Variants in PDE4D observed in about 807,000 individuals in gnomAD.
PDE4D encodes the protein phosphodiesterase 4D.
A neutral mutation model predicts 87.4 loss-of-function variants in PDE4D; 24 were observed. The observed-to-expected ratio is 0.27, with a 90% CI of 0.20 to 0.39. The LOEUF (loss-of-function observed/expected upper bound fraction) is 0.39, where lower values mean the gene tolerates loss of function less well. Ranked by LOEUF, PDE4D falls within the 10% of genes least tolerant of loss-of-function variation. PDE4D has a pLI of 1.00. For synonymous variants in PDE4D, 384 were observed against 383.2 expected, an observed-to-expected ratio of 1.00 and a Z score of -0.02; for missense variants, 714 against 1,041.0, an observed-to-expected ratio of 0.69 and a Z score of 4.32.
intron 2 of PDE4D, among the ~76,000 whole-genome samples, chr5:59,206,778 A>ATT (rs1748883195): frequency 6.6e-6 from 1 of 152,156 alleles, no homozygotes; most frequent in African/African-American, 2.4e-5. Context: ...ATGCACATCA[A>ATT]TTAATACACA....
rs2153480557 is a variant in PDE4D, at chr5:59,185,388, C to T, written c.685-126G>A. 4.7e-6 allele frequency: 3 copies of T among 644,232 alleles called. No individual in the cohort carries two copies. In the East Asian group the frequency reaches 8.3e-5, roughly 18 times the overall value. 39.9% of individuals were successfully genotyped at this position (644,232 alleles called of 1,614,324 possible). On this transcript the variant is annotated intron_variant, in intron 3 of 14. Coordinates refer to ENST00000340635, the MANE Select transcript of PDE4D (RefSeq NM_001104631.2). ...AGTTTCATATACCACTAAAGAATCT[C>T]CCAACACTTAGTGCAGTTTGTAGGT...
chr5:59,770,022 C>G (rs1763286148), intron 1 of PDE4D, among the ~76,000 whole-genome samples: 1 of 152,206 alleles, frequency 6.6e-6, no homozygotes, highest in Non-Finnish European at 1.5e-5. Flanking sequence ...AGGACAGGGT[C>G]AACCACTTGG....
chr5:60,287,252 C>G (rs935657658), intron 1 of PDE4D, among the ~76,000 whole-genome samples: 2 of 152,300 alleles, frequency 1.3e-5, no homozygotes, highest in Non-Finnish European at 2.9e-5. Context: ...CAGCACAAAG[C>G]AGTGTATAAA....
At chr5:59,364,840 C>G (rs1201157385) in intron 1 of PDE4D, among the ~76,000 whole-genome samples, 1 of 151,968 alleles carries the variant, frequency 6.6e-6, no homozygotes, top group East Asian at 1.9e-4. Flanking sequence ...TGCCCACCCA[C>G]CTACCTTCCT....
At chr5:59,945,333 T>C (rs2152801139) in intron 3 of PDE4D, among the ~76,000 whole-genome samples, 1 of 152,342 alleles carries the variant, frequency 6.6e-6, no homozygotes, top group Admixed American at 6.5e-5. Context: ...AATTAAGTGC[T>C]TTTCATGAAA....
chr5:59,067,520 C>T (rs75570506), intron 5 of PDE4D, among the ~76,000 whole-genome samples: 4,034 of 152,188 alleles, frequency 0.027, 182 homozygotes, highest in African/African-American at 0.091. Context: ...TATATGATGG[C>T]ATTTAAATAT....
At chr5:60,412,810 T>G (rs895581223) in intron 1 of PDE4D, among the ~76,000 whole-genome samples, 2 of 152,224 alleles carry the variant, frequency 1.3e-5, no homozygotes, top group Non-Finnish European at 2.9e-5. Context: ...GCCAGCTGAT[T>G]GTTTTTTATT....
Position 59,420,536 on chromosome 5 carries a change from C to T in PDE4D, c.456-204568G>A, listed in dbSNP as rs143956112. On this transcript the variant is annotated intron_variant, in intron 1 of 14. Coordinates refer to ENST00000340635, the MANE Select transcript of PDE4D (RefSeq NM_001104631.2). ...TTCCCCAGAGGGAAGACTTTGCTGA[C>T]GAAATGAAACATCAGGGAGAAGCAA... 5.0e-3 allele frequency among the ~76,000 whole-genome samples: 756 copies of T among 152,004 alleles called. 5 individuals carry two copies. Among genetic ancestry groups the T allele is most frequent in the African/African-American group, 0.011 (467 of 41,472 alleles).
chr5:59,172,262 ATT>A lies in PDE4D; in HGVS notation c.808+8331_808+8332del, dbSNP rs1384178990. On this transcript the variant is annotated intron_variant, in intron 5 of 14. Coordinates refer to ENST00000340635, the MANE Select transcript of PDE4D (RefSeq NM_001104631.2). The stretch of plus-strand genomic sequence containing the variant: ...TGTATATAATATATAATAAATATAT[ATT>A]TATACAATTTATAAGAAATATATAT... Among the ~76,000 whole-genome samples the A allele has an allele frequency of 2.5e-3, 306 of 122,842 alleles. 3 individuals carry two copies. The highest frequency in any genetic ancestry group is 9.3e-3 in the African/African-American group (294 of 31,714). 80.6% of individuals were successfully genotyped at this position (122,842 alleles called of 152,430 possible).
At position 60,254,543 on chromosome 5, in the gene PDE4D, T is replaced by C. The variant is rs552116547; in HGVS notation, c.-89-68856A>G. 5.3e-5 allele frequency among the ~76,000 whole-genome samples: 8 copies of C among 152,006 alleles called. No individual in the cohort carries two copies. In the South Asian group the frequency reaches 1.7e-3, roughly 31 times the overall value. On this transcript the variant is annotated intron_variant, in intron 1 of 16. Coordinates refer to the PDE4D transcript ENST00000502484. ...CTAAAGCAAAGCCAACAGCAATTAATAGACAGGGTTTTTATGGTGTCCCTT... is the reference window on the plus strand; with the variant it reads ...CTAAAGCAAAGCCAACAGCAATTAACAGACAGGGTTTTTATGGTGTCCCTT...
At chr5:59,441,440 G>A (rs1173892424) in intron 1 of PDE4D, among the ~76,000 whole-genome samples, 1 of 152,148 alleles carries the variant, frequency 6.6e-6, no homozygotes, top group East Asian at 1.9e-4. Flanking sequence ...CTAAACAGGA[G>A]TTTTTATTCT....
chr5:60,362,633 G>A (rs1760165774), intron 1 of PDE4D, among the ~76,000 whole-genome samples: 1 of 152,100 alleles, frequency 6.6e-6, no homozygotes, highest in Admixed American at 6.5e-5. Flanking sequence ...TGAGGTGGGT[G>A]GATCACCTAA....
chr5:59,762,501 TAC>T (rs1337141251), intron 1 of PDE4D, among the ~76,000 whole-genome samples: 3 of 133,140 alleles, frequency 2.3e-5, no homozygotes, highest in Admixed American at 1.4e-4. Flanking sequence ...TGTATATGGG[TAC>T]ACATATGTGT....
chr5:60,222,675 C>T (rs1744635572), intron 1 of PDE4D, among the ~76,000 whole-genome samples: 1 of 152,068 alleles, frequency 6.6e-6, no homozygotes, highest in African/African-American at 2.4e-5. Context: ...TAGCCATTCT[C>T]ATAAATGTAT....
chr5:59,928,520 G>C (rs1421214784), intron 3 of PDE4D, among the ~76,000 whole-genome samples: 2 of 152,114 alleles, frequency 1.3e-5, no homozygotes, highest in Non-Finnish European at 2.9e-5. Context: ...GGAGGTCGCA[G>C]TGAGCCGAGA....
intron 3 of PDE4D, among the ~76,000 whole-genome samples, chr5:59,919,364 T>G (rs1000715434): frequency 6.6e-6 from 1 of 152,208 alleles, no homozygotes; most frequent in African/African-American, 2.4e-5. Flanking sequence ...CAGTCATTCT[T>G]AGGCACCAAT....
chr5:60,045,493 T>C (rs1769110624), intron 2 of PDE4D, among the ~76,000 whole-genome samples: 1 of 152,206 alleles, frequency 6.6e-6, no homozygotes, highest in Admixed American at 6.5e-5. Flanking sequence ...TTTATGGTTT[T>C]AGGTCTAACA....
At position 59,617,185 on chromosome 5, in the gene PDE4D, A is replaced by G. The variant is rs559455688; in HGVS notation, c.455+275983T>C. ...GCTTATGGGTAAATTAGGCAAAGAGAGGGTGCTGTGGTGGAGGAGCTCCAT... is the reference window on the plus strand; with the variant it reads ...GCTTATGGGTAAATTAGGCAAAGAGGGGGTGCTGTGGTGGAGGAGCTCCAT... On this transcript the variant is annotated intron_variant, in intron 1 of 14. Transcript: ENST00000340635. 4.6e-5 allele frequency among the ~76,000 whole-genome samples: 7 copies of G among 151,898 alleles called. No individual in the cohort carries two copies. In the East Asian group the frequency reaches 1.4e-3, roughly 30 times the overall value.
chr5:60,024,761 ACT>A (rs1766444897), intron 2 of PDE4D, among the ~76,000 whole-genome samples: 2 of 152,058 alleles, frequency 1.3e-5, no homozygotes, highest in African/African-American at 2.4e-5. Flanking sequence ...TCAGTGGAAA[ACT>A]CTGAAAAATT....
Sources: gnomAD v4.1 joint callset for allele counts (sites outside exome capture counted in the v4.1 genomes callset) on GRCh38, gnomAD v4.1.1 for gene constraint, MANE v1.5 for transcripts, NCBI Gene and HGNC (gene_info 2026-07-23, HGNC 2026-07-21) for gene names.